Variants in CEP112 observed in about 807,000 individuals in gnomAD.
CEP112 encodes the protein centrosomal protein 112, also known as centrosomal protein of 112 kDa.
A neutral mutation model predicts 153.0 loss-of-function variants in CEP112; 127 were observed. That is an observed-to-expected ratio of 0.83 (90% CI 0.72 to 0.96). The LOEUF is 0.96. CEP112 is among the 40% of genes least tolerant of loss of function. The pLI is 0.00. For synonymous variants in CEP112, 358 were observed against 374.4 expected, an observed-to-expected ratio of 0.96 and a Z score of 0.51; for missense variants, 1,089 against 1,101.2, an observed-to-expected ratio of 0.99 and a Z score of 0.16.
rs111487637 is a variant in CEP112 at position 65,818,644 on chromosome 17, T to A, written c.2394+33160A>T. On this transcript the variant is annotated intron_variant, in intron 21 of 26. Coordinates refer to ENST00000535342, the MANE Select transcript of CEP112 (RefSeq NM_001199165.4). ...GTAATAAGGTTATTTGGGGACCCCC[T>A]TAGATGGTCTGAGACTAAATGATTT... is the stretch of plus-strand genomic sequence containing the variant. 9.4e-3 allele frequency among the ~76,000 whole-genome samples: 1,427 copies of A among 151,992 alleles called. 14 individuals are homozygous for A. Among genetic ancestry groups the A allele is most frequent in the Non-Finnish European group, 0.016 (1,108 of 67,770 alleles).
At chr17:66,046,514 T>C (rs1568427102) in intron 12 of CEP112, among the ~76,000 whole-genome samples, 1 of 152,190 alleles carries the variant, frequency 6.6e-6, no homozygotes, top group African/African-American at 2.4e-5. Context: ...TTAAATCCAA[T>C]GGTTTAATTT....
chr17:66,052,464 T>A (rs898503612), intron 12 of CEP112, among the ~76,000 whole-genome samples: 2 of 152,122 alleles, frequency 1.3e-5, no homozygotes, highest in African/African-American at 2.4e-5. Context: ...CCTAAAGAGC[T>A]GAAGACAGTC....
At chr17:65,834,123 G>C (rs2057204158) in intron 21 of CEP112, among the ~76,000 whole-genome samples, 1 of 152,138 alleles carries the variant, frequency 6.6e-6, no homozygotes, top group African/African-American at 2.4e-5. Flanking sequence ...TTCAATGAAT[G>C]GTGTTGGAAT....
At chr17:66,138,559 C>T (rs143366522) in intron 4 of CEP112, among the ~76,000 whole-genome samples, 9 of 152,178 alleles carry the variant, frequency 5.9e-5, no homozygotes, top group Admixed American at 1.3e-4. Flanking sequence ...AAAATCGGGA[C>T]ATTAATAACA....
chr17:65,719,174 C>T (rs1024848951), intron 23 of CEP112, among the ~76,000 whole-genome samples: 2 of 152,244 alleles, frequency 1.3e-5, no homozygotes, highest in African/African-American at 4.8e-5. Flanking sequence ...GTGAACAGCC[C>T]TGTTCTTGCC....
chr17:65,697,443 G>GT (rs1256306193), intron 23 of CEP112, among the ~76,000 whole-genome samples: 4 of 152,212 alleles, frequency 2.6e-5, no homozygotes, highest in Non-Finnish European at 2.9e-5. Flanking sequence ...AACAGTAAAT[G>GT]TTTTTCTTTC....
At position 65,664,538 on chromosome 17, in the gene CEP112, G is replaced by A. The variant is rs533991118; in HGVS notation, c.2698-23473C>T. 2.0e-5 allele frequency among the ~76,000 whole-genome samples: 3 copies of A among 152,142 alleles called. No homozygotes were observed. In the East Asian group the frequency reaches 5.8e-4, roughly 29 times the overall value. On this transcript the variant is annotated intron_variant, in intron 24 of 26. Coordinates refer to ENST00000535342, the MANE Select transcript of CEP112 (RefSeq NM_001199165.4). The stretch of plus-strand genomic sequence containing the variant: ...AGAGACCATTTTGTCCAAATCCAAG[G>A]TGATTAAGAGTCAAAGATGTCCATG...
intron 8 of CEP112, among the ~76,000 whole-genome samples, chr17:66,074,870 A>AG (rs2067431912): frequency 6.7e-6 from 1 of 150,074 alleles, no homozygotes; most frequent in Admixed American, 6.6e-5. Context: ...TAAAAAAAAA[A>AG]AAGAAAAAAA....
At chr17:65,964,376 T>G (rs1353042341) in intron 17 of CEP112, among the ~76,000 whole-genome samples, 1 of 152,198 alleles carries the variant, frequency 6.6e-6, no homozygotes, top group Non-Finnish European at 1.5e-5. Context: ...CTGATGGCTA[T>G]AAAGAATTTT....
At chr17:65,787,533 A>G (rs550875007) in intron 21 of CEP112, among the ~76,000 whole-genome samples, 1 of 152,306 alleles carries the variant, frequency 6.6e-6, no homozygotes, top group East Asian at 1.9e-4. Context: ...CATTAAATCT[A>G]TAGGTCAAAT....
At chr17:65,944,224 A>G (rs1233636326) in intron 18 of CEP112, among the ~76,000 whole-genome samples, 1 of 152,206 alleles carries the variant, frequency 6.6e-6, no homozygotes, top group Non-Finnish European at 1.5e-5. Context: ...GGGTCTTAAT[A>G]CCTTAAGTGA....
intron 18 of CEP112, among the ~76,000 whole-genome samples, chr17:65,948,115 C>T (rs1420798): frequency 0.34 from 51,207 of 151,976 alleles, 10,064 homozygotes; most frequent in Non-Finnish European, 0.46. Flanking sequence ...GGATGATACA[C>T]TAAAACTTAA....
At chr17:65,949,539 C>A (rs375184110) in intron 18 of CEP112, among the ~76,000 whole-genome samples, 1 of 152,110 alleles carries the variant, frequency 6.6e-6, no homozygotes, top group East Asian at 1.9e-4. Context: ...TAGAGGCATG[C>A]GCCAAATTGG....
chr17:65,919,912 G>T lies in CEP112; in HGVS notation c.1980+7670C>A, dbSNP rs117370412. Among the ~76,000 whole-genome samples the T allele has an allele frequency of 1.8e-3, 280 of 152,170 alleles. 7 individuals carry two copies. The East Asian group carries it at 0.045, about 24-fold the overall frequency. On this transcript the variant is annotated intron_variant, in intron 19 of 26. Transcript: ENST00000535342. ...TCCGCGGGAGTGCATTTAGAGTGGG[G>T]GTCAAGGGCAGGCCTCAGGTTCAGG... is the stretch of plus-strand genomic sequence containing the variant.
intron 23 of CEP112, among the ~76,000 whole-genome samples, chr17:65,724,310 T>G (rs1261047818): frequency 6.6e-6 from 1 of 151,620 alleles, no homozygotes; most frequent in African/African-American, 2.4e-5. Context: ...ATATGTGTAC[T>G]ACTAGGTTTA....
intron 17 of CEP112, among the ~76,000 whole-genome samples, chr17:65,970,294 T>C (rs953097143): frequency 7.2e-6 from 1 of 138,100 alleles, no homozygotes; most frequent in East Asian, 2.8e-4. Flanking sequence ...ATGGATGTCA[T>C]ACTGCATGTG....
intron 22 of CEP112, among the ~76,000 whole-genome samples, chr17:65,748,657 G>T (rs9899048): frequency 0.11 from 16,575 of 152,100 alleles, 1,537 homozygotes; most frequent in African/African-American, 0.25. Context: ...ATCCTATGAG[G>T]TTAGTACTGC....
At chr17:65,981,227 G>A (rs1465145689) in intron 17 of CEP112, among the ~76,000 whole-genome samples, 1 of 152,082 alleles carries the variant, frequency 6.6e-6, no homozygotes, top group African/African-American at 2.4e-5. Flanking sequence ...AATCTATAGG[G>A]TATACAAGCC....
In CEP112 at chr17:66,191,918, C is replaced by A. The variant is rs929494273; in HGVS notation, c.-9+79G>T. The A allele has an allele frequency of 3.9e-5, 6 of 152,146 alleles. No homozygotes were observed. The highest frequency in any genetic ancestry group is 1.5e-4 in the African/African-American group (6 of 41,376). 9.4% of individuals were successfully genotyped at this position (152,146 alleles called of 1,614,324 possible). A position where few individuals can be genotyped will look rare whatever the true frequency, so the allele number is the denominator to read the frequency against. ...CCCGAACGGGCCCGCAAGGGCGGGGCGGCAGCCACCGGCGCAAAATTCCAC... is the reference window on the plus strand; with the variant it reads ...CCCGAACGGGCCCGCAAGGGCGGGGAGGCAGCCACCGGCGCAAAATTCCAC... On this transcript the variant is annotated intron_variant, in intron 1 of 26. Transcript: ENST00000535342. This position sits in a 1 kb window ranked among gnomAD's most constrained non-coding sequence, Gnocchi z 4.2.
Sources: gnomAD v4.1 joint callset for allele counts (sites outside exome capture counted in the v4.1 genomes callset) on GRCh38, gnomAD v4.1.1 for gene constraint, Gnocchi (gnomAD v3.1) non-coding constraint, MANE v1.5 for transcripts, NCBI Gene and HGNC (gene_info 2026-07-23, HGNC 2026-07-21) for gene names.